FGF13: variants seen among roughly 807,000 people sequenced by gnomAD.
FGF13 encodes the protein fibroblast growth factor 13.
In FGF13, 2 loss-of-function variants were observed where a neutral mutation model predicts 19.5. That is an observed-to-expected ratio of 0.10 (90% CI 0.04 to 0.32). FGF13 has a LOEUF of 0.32. FGF13 is among the 10% of genes least tolerant of loss of function. The probability of loss-of-function intolerance (pLI) is 1.00; values close to 1 mark genes in which losing one functional copy is unlikely to be tolerated. For synonymous variants in FGF13, 72 were observed against 76.9 expected, an observed-to-expected ratio of 0.94 and a Z score of 0.33; for missense variants, 113 against 192.7, an observed-to-expected ratio of 0.59 and a Z score of 2.45.
At chrX:139,201,333 T>C (rs2084413461) in intron 1 of FGF13, among the ~76,000 whole-genome samples, 1 of 112,167 alleles carries the variant, frequency 8.9e-6, no homozygotes, top group Non-Finnish European at 1.9e-5. Flanking sequence ...TTAAAAGCTC[T>C]GGAAACACTG....
intron 3 of FGF13, among the ~76,000 whole-genome samples, chrX:138,826,315 A>C (rs1015171342): frequency 2.7e-5 from 3 of 112,089 alleles, no homozygotes; most frequent in Non-Finnish European, 5.6e-5. Context: ...CCATTAGACA[A>C]CATATGTCTA....
At chrX:138,926,681 G>A (rs991596248) in intron 1 of FGF13, among the ~76,000 whole-genome samples, 8 of 112,043 alleles carry the variant, frequency 7.1e-5, no homozygotes, top group South Asian at 3.7e-4. Flanking sequence ...GGCTGGGCAC[G>A]GTGGCTCACA....
At chrX:139,133,363 AT>A (rs199716611) in intron 1 of FGF13, among the ~76,000 whole-genome samples, 2 of 105,207 alleles carry the variant, frequency 1.9e-5, no homozygotes, top group African/African-American at 3.5e-5. Context: ...AAAAAAAAAA[AT>A]TCTCACCAGA....
At chrX:138,985,381 C>A (rs2091991057) in intron 1 of FGF13, among the ~76,000 whole-genome samples, 1 of 112,163 alleles carries the variant, frequency 8.9e-6, no homozygotes, top group Non-Finnish European at 1.9e-5. Flanking sequence ...CTGTCTCTAT[C>A]TATGGCTTTC....
intron 1 of FGF13, among the ~76,000 whole-genome samples, chrX:138,895,310 C>T (rs187530591): frequency 4.5e-5 from 5 of 111,896 alleles, no homozygotes; most frequent in Non-Finnish European, 9.4e-5. Context: ...AGGGTGAGGA[C>T]ACTTTTATCT....
intron 3 of FGF13, 72 bp from the exon 4 acceptor site, chrX:138,635,727 G>A: frequency 1.2e-6 from 1 of 814,635 alleles, no homozygotes; most frequent in Non-Finnish European, 1.8e-6. Context: ...ATGTGGTATT[G>A]CCTTTTAGGA....
chrX:139,091,652 G>T (rs2083440721), intron 1 of FGF13, among the ~76,000 whole-genome samples: 1 of 111,749 alleles, frequency 8.9e-6, no homozygotes. Context: ...TTCATTTGGT[G>T]TTAGGGTGTC....
At chrX:139,167,669 A>G (rs2084097633) in intron 1 of FGF13, among the ~76,000 whole-genome samples, 1 of 112,107 alleles carries the variant, frequency 8.9e-6, no homozygotes, top group Non-Finnish European at 1.9e-5. Flanking sequence ...AGTCCCAGCT[A>G]AAAGTCTCAG....
chrX:138,851,902 C>T (rs770365845), intron 3 of FGF13, among the ~76,000 whole-genome samples: 1 of 111,357 alleles, frequency 9.0e-6, no homozygotes, highest in Non-Finnish European at 1.9e-5. Flanking sequence ...GCAAAAATTA[C>T]GAGCATTCCT....
Position 138,625,003 on chromosome X carries a change from G to C in FGF13, c.*7847C>G, listed in dbSNP as rs2089045049. ...TCAATAGCAAAAATACAAGTAAACT[G>C]TATTTTGAAAAATGGACCAAGGAGC... On this transcript the variant is annotated 3_prime_UTR_variant, in exon 5 of 5. Transcript: ENST00000315930. 1 of 110,728 alleles carries C rather than the reference G, an allele frequency of 9.0e-6. No individual in the cohort carries two copies. Among genetic ancestry groups the C allele is most frequent in the African/African-American group, 3.3e-5 (1 of 30,454 alleles). 9.1% of individuals were successfully genotyped at this position (110,728 alleles called of 1,213,427 possible). A position where few individuals can be genotyped will look rare whatever the true frequency, so the allele number is the denominator to read the frequency against.
intron 1 of FGF13, among the ~76,000 whole-genome samples, chrX:139,073,686 A>T (rs935545141): frequency 2.7e-5 from 3 of 111,901 alleles, no homozygotes; most frequent in East Asian, 2.8e-4. Context: ...GAGAACATGT[A>T]CCACAACACG....
intron 3 of FGF13, among the ~76,000 whole-genome samples, chrX:138,642,270 T>G: frequency 9.1e-6 from 1 of 110,188 alleles, no homozygotes; most frequent in Middle Eastern, 4.7e-3. Flanking sequence ...GAATAGAGAA[T>G]AACAAAAGCA....
At chrX:138,718,581 T>C (rs1477731571) in intron 1 of FGF13, among the ~76,000 whole-genome samples, 1 of 111,900 alleles carries the variant, frequency 8.9e-6, no homozygotes, top group East Asian at 2.8e-4. Context: ...CAATTTCCTA[T>C]CAAGAATTTA....
Position 139,110,630 on chromosome X carries a change from C to A in FGF13, c.-113+92786G>T, listed in dbSNP as rs1470832007. ...TTCCCAGACCCGGGTATGTCTTTAT[C>A]AGCAGCATGAAAATGGACTAATACA... On this transcript the variant is annotated intron_variant, in intron 1 of 2. Transcript: ENST00000421460. 5.4e-5 allele frequency among the ~76,000 whole-genome samples: 6 copies of A among 111,843 alleles called. No homozygotes were observed. The East Asian group carries it at 1.7e-3, about 31-fold the overall frequency.
chrX:139,036,161 G>T (rs1047580976), intron 1 of FGF13, among the ~76,000 whole-genome samples: 1 of 111,450 alleles, frequency 9.0e-6, no homozygotes, highest in African/African-American at 3.3e-5. Context: ...GAAACATCCC[G>T]CCATCACAAA....
intron 1 of FGF13, among the ~76,000 whole-genome samples, chrX:139,157,649 T>C (rs1341908842): frequency 3.5e-5 from 4 of 112,995 alleles, no homozygotes; most frequent in Non-Finnish European, 5.6e-5. Context: ...ATCTTTGTTT[T>C]ATAAATTACC....
At chrX:139,124,104 T>C (rs2083697698) in intron 1 of FGF13, among the ~76,000 whole-genome samples, 2 of 112,373 alleles carry the variant, frequency 1.8e-5, no homozygotes, top group South Asian at 7.5e-4. Context: ...GCTGCTTCAA[T>C]TTCTTCAGGA....
intron 1 of FGF13, among the ~76,000 whole-genome samples, chrX:139,028,706 TGTGAGA>T (rs1357539679): frequency 4.0e-5 from 4 of 99,587 alleles, no homozygotes; most frequent in East Asian, 3.1e-4. Context: ...TGTGTGTGTG[TGTGAGA>T]GAGAGAGAGA....
intron 3 of FGF13, among the ~76,000 whole-genome samples, chrX:138,778,857 G>A (rs1257534785): frequency 8.9e-6 from 1 of 112,589 alleles, no homozygotes; most frequent in African/African-American, 3.2e-5. Flanking sequence ...CTCCACCTCT[G>A]GGGGCAGGGC....
Sources: allele counts gnomAD v4.1 joint callset (sites outside exome capture counted in the v4.1 genomes callset), GRCh38; gene constraint gnomAD v4.1.1; transcripts MANE v1.5; gene names NCBI Gene and HGNC (gene_info 2026-07-23, HGNC 2026-07-21).